Variants in RHOU observed in about 807,000 individuals in gnomAD.
RHOU encodes ras homolog family member U, also known as rho-related GTP-binding protein RhoU.
RHOU carries 8 observed loss-of-function variants against 12.6 expected under a neutral mutation model. The ratio of observed to expected loss-of-function variants is 0.64; its 90% confidence interval spans 0.37 to 1.15. The LOEUF (loss-of-function observed/expected upper bound fraction) is 1.15, where lower values mean the gene tolerates loss of function less well. Among genes scored for constraint, RHOU ranks in the 50% most tolerant of loss-of-function variants. The pLI is 0.01. For synonymous variants in RHOU, 161 were observed against 147.4 expected (o/e 1.09, Z -0.67); for missense variants, 258 against 347.0 (o/e 0.74, Z 2.04).
chr1:228,653,100 T>C, the RHOU span, among the ~76,000 whole-genome samples: 1 of 152,260 alleles, frequency 6.6e-6, no homozygotes, highest in African/African-American at 2.4e-5. Context: ...TTATAGATAC[T>C]GTAAACAAAG....
chr1:228,647,022 A>T, the RHOU span, among the ~76,000 whole-genome samples: 1 of 144,642 alleles, frequency 6.9e-6, no homozygotes, highest in Non-Finnish European at 1.5e-5. Flanking sequence ...TCCAGGGGGA[A>T]ACCCAGAAGA....
At position 228,744,276 on chromosome 1, in the gene RHOU, C is replaced by G. The variant is rs1662780961; in HGVS notation, c.*536C>G. On this transcript the variant is annotated 3_prime_UTR_variant, in exon 3 of 3. Transcript: ENST00000366691. The stretch of plus-strand genomic sequence containing the variant: ...TGAGAGACCTCTGCCTACAAAACCT[C>G]AAACCAGTCACTTTTGTCAATTGCT... 6.6e-6 allele frequency: 1 copy of G among 152,448 alleles called. No homozygotes were observed. The highest frequency in any genetic ancestry group is 2.1e-4 in the South Asian group (1 of 4,832). The allele number at this position is 152,448 out of a possible 1,614,324, so 9.4% of individuals were successfully genotyped here.
the RHOU span, among the ~76,000 whole-genome samples, chr1:228,713,520 G>A: frequency 2.6e-4 from 39 of 152,092 alleles, no homozygotes; most frequent in Non-Finnish European, 5.3e-4. Context: ...TGTAGAGATA[G>A]GGGTTCTCAC....
At chr1:228,656,113 G>C in the RHOU span, among the ~76,000 whole-genome samples, 2 of 152,096 alleles carry the variant, frequency 1.3e-5, no homozygotes. Context: ...TTACCTCCCT[G>C]AATATGCCTT....
rs1662815254 is a variant in RHOU at position 228,745,592 on chromosome 1, C to CCG, written c.*1852_*1853insCG. On this transcript the variant is annotated 3_prime_UTR_variant, in exon 3 of 3. Transcript: ENST00000366691. Reference sequence around the variant, plus strand: ...ATACATAGACTGATTGATTATTCAACACATTGGAATTGATGTCGGTCATAG... The same window carrying CCG: ...ATACATAGACTGATTGATTATTCAACCGACATTGGAATTGATGTCGGTCATAG... The CCG allele has an allele frequency of 2.6e-5, 4 of 152,312 alleles. No individual in the cohort carries two copies. In the East Asian group the frequency reaches 7.7e-4, roughly 29 times the overall value. 9.4% of individuals were successfully genotyped at this position (152,312 alleles called of 1,614,324 possible).
chr1:228,668,749 C>A, the RHOU span, among the ~76,000 whole-genome samples: 23 of 152,356 alleles, frequency 1.5e-4, no homozygotes, highest in Middle Eastern at 3.4e-3. Context: ...CTGCTACCAC[C>A]TGCAGGCCTC....
the RHOU span, among the ~76,000 whole-genome samples, chr1:228,703,977 G>C: frequency 6.6e-6 from 1 of 152,122 alleles, no homozygotes; most frequent in South Asian, 2.1e-4. Flanking sequence ...GAAATTCTTG[G>C]TGGACAACGG....
the RHOU span, among the ~76,000 whole-genome samples, chr1:228,721,084 T>G: frequency 6.6e-6 from 1 of 152,160 alleles, no homozygotes; most frequent in Non-Finnish European, 1.5e-5. Context: ...GGTGGATCAC[T>G]TGAGGTCAGG....
At chr1:228,720,077 G>A in the RHOU span, among the ~76,000 whole-genome samples, 2 of 151,922 alleles carry the variant, frequency 1.3e-5, no homozygotes, top group Non-Finnish European at 2.9e-5. Flanking sequence ...TCCATAATCC[G>A]AGCAACTTTG....
chr1:228,740,791 G>A (rs1007376143), intron 2 of RHOU, among the ~76,000 whole-genome samples: 2 of 152,196 alleles, frequency 1.3e-5, no homozygotes, highest in Non-Finnish European at 2.9e-5. Flanking sequence ...GTTTCCCACA[G>A]AAGTTGATGG....
chr1:228,743,256 TAA>T lies in RHOU; in HGVS notation c.322-28_322-27del. 5 of 1,589,636 alleles carry T rather than the reference TAA, an allele frequency of 3.1e-6. No individual in the cohort carries two copies. The highest frequency in any genetic ancestry group is 4.3e-6 in the Non-Finnish European group (5 of 1,159,172). ...TTACTGATGAGAATTCATGAAAACA[TAA>T]CTTTTGGGTACTTTGCTTGGTTGCA... On this transcript the variant is annotated intron_variant, in intron 2 of 2. Coordinates refer to ENST00000366691, the MANE Select transcript of RHOU (RefSeq NM_021205.6). This position sits in a 1 kb window ranked among gnomAD's most constrained non-coding sequence, Gnocchi z 5.1.
the RHOU span, among the ~76,000 whole-genome samples, chr1:228,683,944 C>T: frequency 6.6e-6 from 1 of 152,252 alleles, no homozygotes; most frequent in African/African-American, 2.4e-5. Context: ...AATGATGGGT[C>T]AGAAACTATG....
chr1:228,739,981 C>T (rs1036335683), intron 2 of RHOU, among the ~76,000 whole-genome samples: 3 of 152,132 alleles, frequency 2.0e-5, no homozygotes, highest in Non-Finnish European at 2.9e-5. Context: ...AATGGAAGCT[C>T]GTGAAGGAGC....
rs114727738 is a variant in RHOU, at chr1:228,738,074, A to G, written c.321+343A>G. ...AGTGATGCTTTGTCATCATTTCCCA[A>G]ACTAAGTTAGTGATGTCTTATAATC... On this transcript the variant is annotated intron_variant, in intron 2 of 2. Coordinates refer to ENST00000366691, the MANE Select transcript of RHOU (RefSeq NM_021205.6). The surrounding 1 kb of genome is among the most constrained non-coding windows in gnomAD (Gnocchi z 4.2). 6.8e-3 allele frequency among the ~76,000 whole-genome samples: 1,031 copies of G among 152,286 alleles called. 2 individuals carry two copies. The highest frequency in any genetic ancestry group is 0.012 in the Non-Finnish European group (786 of 68,024).
chr1:228,727,399 T>C, the RHOU span, among the ~76,000 whole-genome samples: 1 of 152,092 alleles, frequency 6.6e-6, no homozygotes, highest in Non-Finnish European at 1.5e-5. Context: ...CCTCTCTGTC[T>C]CCTGGGTTAA....
At chr1:228,654,564 A>C in the RHOU span, among the ~76,000 whole-genome samples, 2 of 152,142 alleles carry the variant, frequency 1.3e-5, no homozygotes, top group Non-Finnish European at 2.9e-5. Flanking sequence ...AGATAATAGA[A>C]CAAGACTCCC....
At chr1:228,670,070 C>T in the RHOU span, among the ~76,000 whole-genome samples, 1 of 152,160 alleles carries the variant, frequency 6.6e-6, no homozygotes, top group Non-Finnish European at 1.5e-5. Flanking sequence ...GTTGCTGCTA[C>T]TAAGAATCTC....
the RHOU span, among the ~76,000 whole-genome samples, chr1:228,725,467 C>T: frequency 1.3e-5 from 2 of 152,164 alleles, no homozygotes; most frequent in South Asian, 2.1e-4. Context: ...GATGAGCAAC[C>T]CTGAGCATCT....
At chr1:228,680,677 A>G in the RHOU span, among the ~76,000 whole-genome samples, 1 of 152,186 alleles carries the variant, frequency 6.6e-6, no homozygotes, top group South Asian at 2.1e-4. Flanking sequence ...TAAAATGCAT[A>G]TTAAGAATAA....
Sources: allele counts gnomAD v4.1 joint callset (sites outside exome capture counted in the v4.1 genomes callset), GRCh38; gene constraint gnomAD v4.1.1; non-coding constraint Gnocchi (gnomAD v3.1); transcripts MANE v1.5; gene names NCBI Gene and HGNC (gene_info 2026-07-23, HGNC 2026-07-21).